The following SPINK6 variants were observed in gnomAD, a reference collection of about 807,000 sequenced individuals.
SPINK6 encodes serine protease inhibitor Kazal-type 6.
SPINK6 carries 13 observed loss-of-function variants against 11.7 expected under a neutral mutation model. That is an observed-to-expected ratio of 1.11 (90% CI 0.72 to 1.76). The LOEUF (loss-of-function observed/expected upper bound fraction) is 1.76. Among genes scored for constraint, SPINK6 ranks in the 40% most tolerant of loss-of-function variants. The probability of loss-of-function intolerance (pLI) is 0.00; values close to 1 mark genes in which losing one functional copy is unlikely to be tolerated. For synonymous variants in SPINK6, 21 were observed against 31.9 expected, an observed-to-expected ratio of 0.66 and a Z score of 1.15; for missense variants, 98 against 93.7, an observed-to-expected ratio of 1.05 and a Z score of -0.19.
chr5:148,209,955 T>TATGTATACATACATACGTACATATGC (rs1554112230), intron 2 of SPINK6, among the ~76,000 whole-genome samples: 10,610 of 143,186 alleles, frequency 0.074, 678 homozygotes, highest in African/African-American at 0.29. Context: ...GTTTCATATA[T>TATGTATACATACATACGTACATATGC]ATGTATACAT....
intron 2 of SPINK6, among the ~76,000 whole-genome samples, chr5:148,209,997 C>CACGTACGCAT (rs1561732192): frequency 6.9e-6 from 1 of 145,892 alleles, no homozygotes; most frequent in Non-Finnish European, 1.5e-5. Context: ...TACATATACA[C>CACGTACGCAT]GTATGTATAC....
chr5:148,210,000 A>ACGTG (rs1387826044), intron 2 of SPINK6, among the ~76,000 whole-genome samples: 1 of 149,546 alleles, frequency 6.7e-6, no homozygotes, highest in Non-Finnish European at 1.5e-5. Flanking sequence ...ATATACACGT[A>ACGTG]TGTATACATG....
At chr5:148,212,702 T>TAAATATATAGTTTATATATTTTATATAA (rs1195360710) in intron 2 of SPINK6, among the ~76,000 whole-genome samples, 38 of 117,846 alleles carry the variant, frequency 3.2e-4, no homozygotes, top group African/African-American at 1.1e-3. Context: ...TATATATTTA[T>TAAATATATAGTTTATATATTTTATATAA]ACAATATATA....
At chr5:148,213,273 G>A (rs545098147) in intron 2 of SPINK6, among the ~76,000 whole-genome samples, 2 of 151,976 alleles carry the variant, frequency 1.3e-5, no homozygotes, top group Non-Finnish European at 2.9e-5. Flanking sequence ...GTGCGGTGGC[G>A]CGATCTGGGC....
chr5:148,209,991 T>TGCACACGTACGTATGTATGTATAC lies in SPINK6; in HGVS notation c.82-3919_82-3918insGCACACGTACGTATGTATGTATAC, dbSNP rs1561732156. On this transcript the variant is annotated intron_variant, in intron 2 of 3. Coordinates refer to ENST00000325630, the MANE Select transcript of SPINK6 (RefSeq NM_205841.4). The stretch of plus-strand genomic sequence containing the variant: ...ACATACGTACGTATGTATGTATACA[T>TGCACACGTACGTATGTATGTATAC]ATACACGTATGTATACATGTATGTA... Among the ~76,000 whole-genome samples, 183 of 145,510 alleles carry TGCACACGTACGTATGTATGTATAC rather than the reference T, an allele frequency of 1.3e-3. 12 individuals are homozygous for TGCACACGTACGTATGTATGTATAC. The Middle Eastern group carries it at 0.021, about 17-fold the overall frequency.
chr5:148,206,014 G>C (rs758113902), intron 1 of SPINK6, 22 bp from the exon 2 acceptor site: 1 of 1,613,710 alleles, frequency 6.2e-7, no homozygotes, highest in African/African-American at 1.3e-5. Flanking sequence ...TACAGTGTTT[G>C]AATGTTGTGC....
intron 2 of SPINK6, among the ~76,000 whole-genome samples, chr5:148,206,524 A>T (rs1471578030): frequency 6.6e-6 from 1 of 152,232 alleles, no homozygotes; most frequent in African/African-American, 2.4e-5. Flanking sequence ...TGAAGAAGTT[A>T]GGATATAAGT....
intron 2 of SPINK6, among the ~76,000 whole-genome samples, chr5:148,212,736 T>C (rs1338488193): frequency 1.6e-5 from 2 of 126,524 alleles, no homozygotes; most frequent in African/African-American, 5.9e-5. Context: ...ATATAAACTA[T>C]ATATTTATAC....
At position 148,206,090 on chromosome 5, in the gene SPINK6, C is replaced by G. The variant is rs749559115; in HGVS notation, c.81+32C>G. On this transcript the variant is annotated intron_variant, in intron 2 of 3. Coordinates refer to ENST00000325630, the MANE Select transcript of SPINK6 (RefSeq NM_205841.4). ...GCCTATTTTTATCTCTGCTTTCTGC[C>G]TGGGTGGTGCTTGGCTTGATCTTCA... 5 of 1,613,494 alleles carry G rather than the reference C, an allele frequency of 3.1e-6. No individual in the cohort carries two copies. In the South Asian group the frequency reaches 4.4e-5, roughly 14 times the overall value.
At chr5:148,207,862 T>C (rs191992591) in intron 2 of SPINK6, among the ~76,000 whole-genome samples, 2 of 152,282 alleles carry the variant, frequency 1.3e-5, no homozygotes, top group East Asian at 3.9e-4. Context: ...GCCAAAGTCT[T>C]ATAGTTTGCT....
rs111744481 is a variant in SPINK6, at chr5:148,203,104, T to G, written c.8T>G (p.Leu3Arg). 1 of 1,610,446 alleles carries G rather than the reference T, an allele frequency of 6.2e-7. No individual in the cohort carries two copies. Among genetic ancestry groups the G allele is most frequent in the African/African-American group, 1.3e-5 (1 of 74,648 alleles). MK[L>R]SGMFLLLSLA... ...AGTGAGCTAACTGACACAATGAAAC[T>G]GTCAGGCATGTTTCTGCTCCTCTCT... Residue 3 changes from leucine (L) to arginine (R), a missense_variant, in exon 1 of 4, where the codon CTG becomes CGG. Leu to Arg is a moderately radical substitution (Grantham distance 102). Transcript: ENST00000325630.
intron 2 of SPINK6, among the ~76,000 whole-genome samples, chr5:148,206,525 GGATAT>G (rs1350483235): frequency 6.6e-6 from 1 of 152,148 alleles, no homozygotes; most frequent in African/African-American, 2.4e-5. Flanking sequence ...GAAGAAGTTA[GGATAT>G]AAGTTATTAT....
upstream of SPINK6, chr5:148,202,900 C>A: frequency 2.2e-6 from 1 of 452,474 alleles, no homozygotes; most frequent in Non-Finnish European, 3.9e-6. Flanking sequence ...TGAGGTGCGA[C>A]ACACATAATT....
At chr5:148,210,291 T>C (rs1415187497) in intron 2 of SPINK6, among the ~76,000 whole-genome samples, 1 of 17,250 alleles carries the variant, frequency 5.8e-5, no homozygotes, top group Non-Finnish European at 1.3e-4. Flanking sequence ...TACATATATA[T>C]GTATGTTTCT....
At chr5:148,205,967 T>C in intron 1 of SPINK6, 69 bp from the exon 2 acceptor site, 1 of 1,539,914 alleles carries the variant, frequency 6.5e-7, no homozygotes, top group Non-Finnish European at 9.0e-7. Context: ...AGGAATTTCC[T>C]AATGTTGAAA....
intron 2 of SPINK6, among the ~76,000 whole-genome samples, chr5:148,209,968 ATACGTACGTATGTATG>A (rs1755550469): frequency 2.0e-5 from 3 of 150,454 alleles, no homozygotes; most frequent in African/African-American, 7.4e-5. Flanking sequence ...GTATACATAC[ATACGTACGTATGTATG>A]TATACATATA....
chr5:148,203,351 TA>T (rs1241592284), intron 1 of SPINK6, among the ~76,000 whole-genome samples, 197 bp downstream of exon 1: 1 of 152,208 alleles, frequency 6.6e-6, no homozygotes, highest in Admixed American at 6.5e-5. Flanking sequence ...TTGTTGAGCA[TA>T]TACTATATTC....
intron 2 of SPINK6, among the ~76,000 whole-genome samples, chr5:148,209,864 A>G (rs1755546739): frequency 8.6e-6 from 1 of 116,270 alleles, no homozygotes; most frequent in African/African-American, 2.7e-5. Flanking sequence ...AATGGAAAAA[A>G]CAGAATACAA....
At chr5:148,211,955 C>A (rs1194368586) in intron 2 of SPINK6, among the ~76,000 whole-genome samples, 6 of 152,108 alleles carry the variant, frequency 3.9e-5, no homozygotes, top group Non-Finnish European at 8.8e-5. Flanking sequence ...AGAGAGAAAG[C>A]AAGTTTCCTC....
Sources: gnomAD v4.1 joint callset for allele counts (sites outside exome capture counted in the v4.1 genomes callset) on GRCh38, gnomAD v4.1.1 for gene constraint, MANE v1.5 for transcripts, NCBI Gene and HGNC (gene_info 2026-07-23, HGNC 2026-07-21) for gene names.